Variants in ACSM2B observed in about 807,000 individuals in gnomAD.
The protein encoded by ACSM2B is acyl-CoA synthetase medium chain family member 2B.
In ACSM2B, 58 loss-of-function variants were observed where a neutral mutation model predicts 78.6. The ratio of observed to expected loss-of-function variants is 0.74; its 90% CI spans 0.60 to 0.92. The LOEUF is 0.92. ACSM2B is among the 40% of genes least tolerant of loss of function. ACSM2B has a pLI of 0.00. For synonymous variants in ACSM2B, 257 were observed against 256.8 expected, an observed-to-expected ratio of 1.00 and a Z score of -0.01; for missense variants, 688 against 711.2, an observed-to-expected ratio of 0.97 and a Z score of 0.37.
chr16:20,543,368 G>C, intron 10 of ACSM2B, 106 bp from the exon 11 acceptor site: 1 of 1,581,812 alleles, frequency 6.3e-7, no homozygotes, highest in Non-Finnish European at 8.6e-7. Flanking sequence ...CTGCAGGTGT[G>C]CAGTGTATAA....
intron 3 of ACSM2B, among the ~76,000 whole-genome samples, chr16:20,558,759 C>T (rs554941890): frequency 0.04 from 5,948 of 148,262 alleles, no homozygotes; most frequent in Non-Finnish European, 0.061. Context: ...GACACTCTCT[C>T]GTTCCAACTA....
Position 20,550,451 on chromosome 16 carries a change from T to A in ACSM2B, c.894+1693A>T, listed in dbSNP as rs374759189. On this transcript the variant is annotated intron_variant, in intron 6 of 13. Coordinates refer to ENST00000329697, the MANE Select transcript of ACSM2B (RefSeq NM_001105069.2). Reference sequence around the variant, plus strand: ...TTTTCCACCCTACACCTCCAACCTATATTTTCCTAATGGGCTTTATAAGTT... The same window carrying A: ...TTTTCCACCCTACACCTCCAACCTAAATTTTCCTAATGGGCTTTATAAGTT... Among the ~76,000 whole-genome samples the A allele has an allele frequency of 1.2e-3, 176 of 152,288 alleles. 5 individuals are homozygous for A. In the South Asian group the frequency reaches 0.035, roughly 30 times the overall value.
chr16:20,556,315 C>G lies in ACSM2B; in HGVS notation c.389-839G>C, dbSNP rs535944470. ...TAAAATCTTCTGTAGAATAACTAGA[C>G]TTAGGGCCAGGCATGGTGGCTCATG... On this transcript the variant is annotated intron_variant, in intron 3 of 13. Coordinates refer to ENST00000329697, the MANE Select transcript of ACSM2B (RefSeq NM_001105069.2). Among the ~76,000 whole-genome samples, 24 of 152,278 alleles carry G rather than the reference C, an allele frequency of 1.6e-4. No homozygotes were observed. The South Asian group carries it at 3.9e-3, about 25-fold the overall frequency.
At chr16:20,560,898 AG>A (rs1455321636) in intron 2 of ACSM2B, among the ~76,000 whole-genome samples, 2 of 152,210 alleles carry the variant, frequency 1.3e-5, no homozygotes, top group African/African-American at 4.8e-5. Flanking sequence ...ACTGAAGCAA[AG>A]GTCCTCCTTC....
intron 1 of ACSM2B, among the ~76,000 whole-genome samples, chr16:20,566,682 G>GTATATATAGTATATACTA (rs1235758959): frequency 7.0e-3 from 28 of 3,996 alleles, no homozygotes; most frequent in Admixed American, 0.014. Flanking sequence ...TATACATATA[G>GTATATATAGTATATACTA]TATATACTAT....
Position 20,540,533 on chromosome 16 carries a change from A to T in ACSM2B, c.1629+121T>A, listed in dbSNP as rs28750179. On this transcript the variant is annotated intron_variant, in intron 13 of 13. Coordinates refer to ENST00000329697, the MANE Select transcript of ACSM2B (RefSeq NM_001105069.2). Reference sequence around the variant, plus strand: ...GCTGGGATTGCAGGTGTCAGCCACCATGTCCGGCCCAGGAAGACTTTTTAA... The same window carrying T: ...GCTGGGATTGCAGGTGTCAGCCACCTTGTCCGGCCCAGGAAGACTTTTTAA... 5 of 1,492,944 alleles carry T rather than the reference A, an allele frequency of 3.3e-6. No homozygotes were observed. The African/African-American group carries it at 7.0e-5, about 21-fold the overall frequency. The allele number at this position is 1,492,944 out of a possible 1,614,324, so 92.5% of individuals were successfully genotyped here.
At chr16:20,567,504 TATATAAATA>T (rs2015949902) in intron 1 of ACSM2B, among the ~76,000 whole-genome samples, 1 of 126,280 alleles carries the variant, frequency 7.9e-6, no homozygotes, top group Non-Finnish European at 1.6e-5. Context: ...ATATATAAAA[TATATAAATA>T]ATATATAAAT....
intron 1 of ACSM2B, among the ~76,000 whole-genome samples, chr16:20,571,061 A>G (rs974130786): frequency 4.0e-5 from 6 of 151,446 alleles, no homozygotes; most frequent in Non-Finnish European, 8.9e-5. Flanking sequence ...TTTTATCTCA[A>G]TTTCATTTAG....
At position 20,548,506 on chromosome 16, in the gene ACSM2B, A is replaced by C. The variant is rs1193315345; in HGVS notation, c.895-33T>G. On this transcript the variant is annotated intron_variant, in intron 6 of 13. Coordinates refer to ENST00000329697, the MANE Select transcript of ACSM2B (RefSeq NM_001105069.2). ...ACAAGAGCCAGGTGAGACATTGGTCACCAGGTCAAATGCCAACTTATGGCT... is the reference window on the plus strand; with the variant it reads ...ACAAGAGCCAGGTGAGACATTGGTCCCCAGGTCAAATGCCAACTTATGGCT... The C allele has an allele frequency of 3.7e-6, 6 of 1,613,252 alleles. No individual in the cohort carries two copies. The African/African-American group carries it at 5.3e-5, about 14-fold the overall frequency.
At chr16:20,537,487 G>A (rs1170702804) in intron 13 of ACSM2B, 125 bp from the exon 14 acceptor site, 25 of 986,626 alleles carry the variant, frequency 2.5e-5, no homozygotes, top group Middle Eastern at 2.4e-4. Flanking sequence ...GCCGCCCTGT[G>A]CAATAAGAAG....
intron 2 of ACSM2B, among the ~76,000 whole-genome samples, chr16:20,563,229 A>T (rs1401163716): frequency 6.6e-6 from 1 of 152,148 alleles, no homozygotes; most frequent in African/African-American, 2.4e-5. Flanking sequence ...TCTCACTTGC[A>T]TTACTCTTAT....
Position 20,559,275 on chromosome 16 carries a change from G to T in ACSM2B, c.350C>A (p.Pro117His), listed in dbSNP as rs1041234995. 4 of 1,613,478 alleles carry T rather than the reference G, an allele frequency of 2.5e-6. No homozygotes were observed. The highest frequency in any genetic ancestry group is 1.1e-5 in the South Asian group (1 of 91,038). ...GCCCAGGATCACCAGCCACCACTCA[G>T]GCACTCGGGGCAGCATCACTGCCAC... is the stretch of plus-strand genomic sequence containing the variant. The part of the protein sequence containing the change: ...DRVAVMLPRV[P>H]EWWLVILGCI... Residue 117 changes from proline (P) to histidine (H), a missense_variant, in exon 3 of 14, where the codon CCT becomes CAT. Physicochemically the swap from Pro to His is moderately conservative, Grantham distance 77. Coordinates refer to ENST00000329697, the MANE Select transcript of ACSM2B (RefSeq NM_001105069.2).
chr16:20,560,667 A>C (rs2015625776), intron 2 of ACSM2B, among the ~76,000 whole-genome samples: 1 of 152,040 alleles, frequency 6.6e-6, no homozygotes, highest in Admixed American at 6.5e-5. Flanking sequence ...CAGAAGTGGG[A>C]TATTGCTATA....
intron 12 of ACSM2B, chr16:20,541,602 C>T (rs1185984996): frequency 2.0e-5 from 3 of 151,576 alleles, no homozygotes; most frequent in African/African-American, 4.8e-5. Flanking sequence ...TCAAAATAGA[C>T]ATTATATAGT....
intron 1 of ACSM2B, among the ~76,000 whole-genome samples, chr16:20,571,371 T>C (rs569762576): frequency 1.5e-3 from 232 of 150,074 alleles, no homozygotes; most frequent in African/African-American, 4.8e-3. Context: ...CATGTATTCA[T>C]GTGATTTTGA....
chr16:20,553,778 C>T lies in ACSM2B; in HGVS notation c.739G>A (p.Gly247Ser), dbSNP rs1218261505. The stretch of plus-strand genomic sequence containing the variant: ...GTAGAGAGAAAGAGCTCAGCTTACC[C>T]AGCATCCATCTTGGCCTTGAGGCCC... ...SLGLKAKMDAGWTGLQASDIM... is the reference protein window; with the variant it reads ...SLGLKAKMDASWTGLQASDIM... Residue 247 changes from glycine (G) to serine (S), a missense_variant and splice_region_variant, in exon 5 of 14, where the codon GGT (glycine) becomes AGT (serine). Coordinates refer to ENST00000329697, the MANE Select transcript of ACSM2B (RefSeq NM_001105069.2). The T allele has an allele frequency of 6.2e-7, 1 of 1,609,394 alleles. No homozygotes were observed. The highest frequency in any genetic ancestry group is 8.5e-7 in the Non-Finnish European group (1 of 1,177,058).
chr16:20,541,503 T>A (rs1055277442), intron 12 of ACSM2B, among the ~76,000 whole-genome samples: 1 of 152,154 alleles, frequency 6.6e-6, no homozygotes, highest in East Asian at 1.9e-4. Context: ...GGCTCTATCC[T>A]TTGGCTCAAA....
Position 20,552,247 on chromosome 16 carries a change from C to A in ACSM2B, c.791G>T (p.Gly264Val), listed in dbSNP as rs754983348. Residue 264 changes from glycine to valine, a missense_variant, in exon 6 of 14, where the codon GGT becomes GTT. Physicochemically the swap from Gly to Val is moderately radical, Grantham distance 109 (BLOSUM62 -3). Transcript: ENST00000329697. ...TGAGCCCAAGATGTTCAGTATCCAA[C>A]CTGTGTCTGATATGGTCCACATTAT... is the stretch of plus-strand genomic sequence containing the variant. ...SDIMWTISDT[G>V]WILNILGSLL... is the part of the protein sequence containing the mutation. 1.2e-6 allele frequency: 2 copies of A among 1,613,826 alleles called. No individual in the cohort carries two copies. Among genetic ancestry groups the A allele is most frequent in the Non-Finnish European group, 1.7e-6 (2 of 1,179,794 alleles).
intron 1 of ACSM2B, among the ~76,000 whole-genome samples, chr16:20,566,707 T>TAC (rs2015882184): frequency 3.4e-5 from 1 of 29,564 alleles, no homozygotes; most frequent in South Asian, 1.5e-3. Flanking sequence ...AGTATATATA[T>TAC]AGTATATATA....
Sources: allele counts gnomAD v4.1 joint callset (sites outside exome capture counted in the v4.1 genomes callset), GRCh38; gene constraint gnomAD v4.1.1; transcripts MANE v1.5; gene names NCBI Gene and HGNC (gene_info 2026-07-23, HGNC 2026-07-21).